Variants in XKR4 observed in about 807,000 individuals in gnomAD.
The protein encoded by XKR4 is XK-related protein 4.
XKR4 carries 12 observed loss-of-function variants against 53.9 expected under a neutral mutation model. The observed-to-expected ratio is 0.22, with a 90% CI of 0.14 to 0.36. XKR4 has a LOEUF of 0.36. XKR4 is among the 10% of genes least tolerant of loss of function. The pLI is 1.00. For synonymous variants in XKR4, 354 were observed against 362.4 expected, an observed-to-expected ratio of 0.98 and a Z score of 0.26; for missense variants, 799 against 859.5, an observed-to-expected ratio of 0.93 and a Z score of 0.88.
chr8:55,449,185 A>ATTTATTTAT (rs1805386812), intron 2 of XKR4, among the ~76,000 whole-genome samples: 1 of 136,326 alleles, frequency 7.3e-6, no homozygotes, highest in Admixed American at 7.9e-5. Flanking sequence ...TATTTATTTT[A>ATTTATTTAT]TTTTGCATTC....
At chr8:55,138,077 G>A (rs887035031) in intron 1 of XKR4, among the ~76,000 whole-genome samples, 5 of 152,168 alleles carry the variant, frequency 3.3e-5, no homozygotes, top group South Asian at 4.1e-4. Context: ...CTTGAAGCCC[G>A]CCATGACTTT....
intron 2 of XKR4, among the ~76,000 whole-genome samples, chr8:55,387,711 A>G (rs1804343714): frequency 1.3e-5 from 2 of 152,090 alleles, no homozygotes; most frequent in Admixed American, 1.3e-4. Context: ...CAAGTGGGAG[A>G]CTGGTGGGAG....
intron 1 of XKR4, among the ~76,000 whole-genome samples, chr8:55,165,247 A>T (rs1817050791): frequency 6.6e-6 from 1 of 152,208 alleles, no homozygotes; most frequent in Non-Finnish European, 1.5e-5. Flanking sequence ...TAATGAATTT[A>T]TGTAAAGGGA....
At chr8:55,487,155 C>G (rs1563364301) in intron 2 of XKR4, among the ~76,000 whole-genome samples, 1 of 152,188 alleles carries the variant, frequency 6.6e-6, no homozygotes, top group Non-Finnish European at 1.5e-5. Context: ...TGATGTCACT[C>G]TCAGTCCAAG....
chr8:55,326,412 G>A (rs1803293273), intron 1 of XKR4, among the ~76,000 whole-genome samples: 2 of 149,714 alleles, frequency 1.3e-5, no homozygotes, highest in South Asian at 4.2e-4. Flanking sequence ...TATAAATTAA[G>A]TCTCTCTGGT....
Position 55,310,881 on chromosome 8 carries a change from G to A in XKR4, c.807-46797G>A, listed in dbSNP as rs553060593. Among the ~76,000 whole-genome samples, 23 of 152,362 alleles carry A rather than the reference G, an allele frequency of 1.5e-4. No individual in the cohort carries two copies. In the East Asian group the frequency reaches 4.4e-3, roughly 29 times the overall value. ...AGGAAGGGGAAGAAAGGAAAGCAAA[G>A]ACCCACAGAGGGTGTTATAGGGTCA... is the stretch of plus-strand genomic sequence containing the variant. On this transcript the variant is annotated intron_variant, in intron 1 of 2. Coordinates refer to ENST00000327381, the MANE Select transcript of XKR4 (RefSeq NM_052898.2).
chr8:55,180,361 T>C (rs1228076851), intron 1 of XKR4, among the ~76,000 whole-genome samples: 1 of 152,202 alleles, frequency 6.6e-6, no homozygotes, highest in Non-Finnish European at 1.5e-5. Flanking sequence ...ATATGCAATG[T>C]TGATAGCTCT....
At chr8:55,451,048 T>C (rs1731965784) in intron 2 of XKR4, 4 of 539,028 alleles carry the variant, frequency 7.4e-6, no homozygotes, top group South Asian at 7.0e-5. Context: ...AATACCTTAA[T>C]GGGCACCAGC....
At chr8:55,156,591 G>T (rs1056774456) in intron 1 of XKR4, among the ~76,000 whole-genome samples, 2 of 152,124 alleles carry the variant, frequency 1.3e-5, no homozygotes, top group African/African-American at 4.8e-5. Flanking sequence ...GCCTAAAAAG[G>T]GTTAAAAGTG....
At chr8:55,447,641 C>T (rs1805366313) in intron 2 of XKR4, among the ~76,000 whole-genome samples, 1 of 152,194 alleles carries the variant, frequency 6.6e-6, no homozygotes, top group African/African-American at 2.4e-5. Context: ...GTATAATAGA[C>T]AGCCCTGTAG....
At position 55,534,408 on chromosome 8, in the gene XKR4, C is replaced by G. The variant is rs981336192; in HGVS notation, c.*10181C>G. 2.9e-5 allele frequency: 3 copies of G among 104,454 alleles called. No homozygotes were observed. Among genetic ancestry groups the G allele is most frequent in the Admixed American group, 1.5e-4 (1 of 6,646 alleles). 6.5% of individuals were successfully genotyped at this position (104,454 alleles called of 1,614,324 possible). On this transcript the variant is annotated 3_prime_UTR_variant, in exon 3 of 3. Coordinates refer to ENST00000327381, the MANE Select transcript of XKR4 (RefSeq NM_052898.2). ...TTTTTTTTTGAGACAGAGTCTCGCT[C>G]TGTCGCAGGGGCTGGAGTGCAGTGG... is the stretch of plus-strand genomic sequence containing the variant.
chr8:55,384,751 A>C (rs777846631), intron 2 of XKR4, among the ~76,000 whole-genome samples: 5 of 152,264 alleles, frequency 3.3e-5, no homozygotes, highest in Non-Finnish European at 4.4e-5. Context: ...AACCCAAGCC[A>C]GTAGCTGAGA....
intron 2 of XKR4, among the ~76,000 whole-genome samples, chr8:55,388,747 T>C (rs1174016618): frequency 1.3e-5 from 2 of 152,222 alleles, no homozygotes; most frequent in Non-Finnish European, 2.9e-5. Flanking sequence ...GCAATGGACT[T>C]CCTTAGCTAC....
At chr8:55,132,696 G>C (rs965655573) in intron 1 of XKR4, among the ~76,000 whole-genome samples, 5 of 152,190 alleles carry the variant, frequency 3.3e-5, no homozygotes, top group African/African-American at 1.2e-4. Flanking sequence ...TAACTTCAAG[G>C]TGGTGTGGCT....
chr8:55,134,341 C>T (rs1443915972), intron 1 of XKR4, among the ~76,000 whole-genome samples: 1 of 152,050 alleles, frequency 6.6e-6, no homozygotes, highest in African/African-American at 2.4e-5. Flanking sequence ...TGTGTGTGCT[C>T]ATGTAGATGA....
chr8:55,389,116 G>A (rs773302628), intron 2 of XKR4, among the ~76,000 whole-genome samples: 5 of 152,142 alleles, frequency 3.3e-5, no homozygotes, highest in African/African-American at 1.2e-4. Flanking sequence ...CTGTTGTCTC[G>A]CTGCCACCAG....
chr8:55,480,834 C>T (rs1488871963), intron 2 of XKR4, among the ~76,000 whole-genome samples: 2 of 150,886 alleles, frequency 1.3e-5, no homozygotes, highest in African/African-American at 4.9e-5. Flanking sequence ...AGGAATCCAA[C>T]TTACAAGGGA....
chr8:55,389,898 T>A (rs1804419403), intron 2 of XKR4, among the ~76,000 whole-genome samples: 1 of 152,146 alleles, frequency 6.6e-6, no homozygotes, highest in Non-Finnish European at 1.5e-5. Flanking sequence ...ACACAGCTAA[T>A]ATTTCTCTTT....
chr8:55,278,335 T>TAA (rs202025635), intron 1 of XKR4, among the ~76,000 whole-genome samples: 17 of 123,590 alleles, frequency 1.4e-4, no homozygotes, highest in African/African-American at 4.4e-4. Context: ...AGATCCTGTC[T>TAA]AAAAAAAAAA....
Sources: allele counts gnomAD v4.1 joint callset (sites outside exome capture counted in the v4.1 genomes callset), GRCh38; gene constraint gnomAD v4.1.1; transcripts MANE v1.5; gene names NCBI Gene and HGNC (gene_info 2026-07-23, HGNC 2026-07-21).